The following VWF variants were observed in gnomAD, a reference collection of about 807,000 sequenced individuals.
VWF encodes Factor VIII related antigen.
A neutral mutation model predicts 308.6 loss-of-function variants in VWF; 176 were observed. The ratio of observed to expected loss-of-function variants is 0.57; its 90% CI spans 0.50 to 0.65. The LOEUF (loss-of-function observed/expected upper bound fraction) is 0.65, where lower values mean the gene tolerates loss of function less well. VWF is among the 30% of genes least tolerant of loss of function. VWF has a pLI of 0.00. For missense variants in VWF, 3,146 were observed against 3,648.2 expected (o/e 0.86, Z 3.55); for synonymous variants, 1,385 against 1,443.4 (o/e 0.96, Z 0.92).
At position 6,064,241 on chromosome 12, in the gene VWF, C is replaced by T; in HGVS notation, c.1432+5G>A. The T allele has an allele frequency of 1.9e-6, 3 of 1,614,158 alleles. No homozygotes were observed. Among genetic ancestry groups the T allele is most frequent in the Non-Finnish European group, 2.5e-6 (3 of 1,180,050 alleles). On this transcript the variant is annotated splice_donor_5th_base_variant and intron_variant, in intron 12 of 51. Coordinates refer to ENST00000261405, the MANE Select transcript of VWF (RefSeq NM_000552.5). ...CCAGGCCTGATGGAGCAGGACGAAG[C>T]ATACCTTTCAGGAGGGGGAGCTGGA...
At position 6,020,187 on chromosome 12, in the gene VWF, A is replaced by C. The variant is rs1944114708; in HGVS notation, c.3675-444T>G. ...CCTGTGTTTGTACATGTTCTGTTGA[A>C]GATAAATGCTTTACAGTACATATTC... On this transcript the variant is annotated intron_variant, in intron 27 of 51. Coordinates refer to ENST00000261405, the MANE Select transcript of VWF (RefSeq NM_000552.5). The surrounding 1 kb of genome is among the most constrained non-coding windows in gnomAD (Gnocchi z 4.3). Among the ~76,000 whole-genome samples, 1 of 152,250 alleles carries C rather than the reference A, an allele frequency of 6.6e-6. No homozygotes were observed. Among genetic ancestry groups the C allele is most frequent in the Non-Finnish European group, 1.5e-5 (1 of 68,044 alleles).
At chr12:6,062,264 T>C (rs1459843983) in intron 13 of VWF, among the ~76,000 whole-genome samples, 1 of 151,342 alleles carries the variant, frequency 6.6e-6, no homozygotes, top group Non-Finnish European at 1.5e-5. Context: ...CATGACACGG[T>C]TGGTGGGGGT....
chr12:5,995,714 T>G lies in VWF; in HGVS notation c.6063+288A>C, dbSNP rs561512282. Among the ~76,000 whole-genome samples the G allele has an allele frequency of 1.3e-3, 197 of 152,324 alleles. 3 individuals are homozygous for G. Among genetic ancestry groups the G allele is most frequent in the African/African-American group, 4.4e-3 (181 of 41,582 alleles). On this transcript the variant is annotated intron_variant, in intron 35 of 51. Coordinates refer to ENST00000261405, the MANE Select transcript of VWF (RefSeq NM_000552.5). ...ATACCTTCCGAGTGAACAATCCTGA[T>G]GCCAATCCCAATTCTCCACCAGTGC...
intron 5 of VWF, among the ~76,000 whole-genome samples, chr12:6,099,130 T>C (rs1050899168): frequency 5.9e-5 from 9 of 151,816 alleles, no homozygotes; most frequent in African/African-American, 2.2e-4. Context: ...GATCAGCCTG[T>C]CCAACATGGT....
chr12:6,013,739 A>G, intron 31 of VWF, 94 bp from the exon 32 acceptor site: 1 of 1,451,102 alleles, frequency 6.9e-7, no homozygotes, highest in Non-Finnish European at 9.6e-7. Context: ...ATACAGCCTC[A>G]TGTTTTCCAG....
At chr12:5,976,847 T>C (rs1943539603) in intron 42 of VWF, among the ~76,000 whole-genome samples, 1 of 152,048 alleles carries the variant, frequency 6.6e-6, no homozygotes, top group Admixed American at 6.6e-5. Flanking sequence ...AAAAGGCTGG[T>C]TGAAAGGGAA....
At position 5,963,767 on chromosome 12, in the gene VWF, T is replaced by G. The variant is rs374998908; in HGVS notation, c.7887+3719A>C. Among the ~76,000 whole-genome samples the G allele has an allele frequency of 9.3e-4, 141 of 152,290 alleles. 1 individual carries two copies. The Middle Eastern group carries it at 0.041, about 44-fold the overall frequency. ...TCATAGCTCAGCGCAGCTAGGGACT[T>G]GTTGAAGCGGCATAAGGTAAGAGCG... On this transcript the variant is annotated intron_variant, in intron 47 of 51. Coordinates refer to ENST00000261405, the MANE Select transcript of VWF (RefSeq NM_000552.5).
At position 6,013,888 on chromosome 12, in the gene VWF, G is replaced by A. The variant is rs547542110; in HGVS notation, c.5456-243C>T. 1.3e-4 allele frequency among the ~76,000 whole-genome samples: 19 copies of A among 151,812 alleles called. No individual in the cohort carries two copies. The South Asian group carries it at 2.9e-3, about 23-fold the overall frequency. ...CACATAAAGTCCCTCCCTGTCCCCC[G>A]TCCTCATGGAGAGATAGACAACAAA... is the stretch of plus-strand genomic sequence containing the variant. On this transcript the variant is annotated intron_variant, in intron 31 of 51. Coordinates refer to ENST00000261405, the MANE Select transcript of VWF (RefSeq NM_000552.5).
chr12:6,001,297 A>G (rs1295417728), intron 34 of VWF, among the ~76,000 whole-genome samples: 1 of 152,188 alleles, frequency 6.6e-6, no homozygotes, highest in African/African-American at 2.4e-5. Context: ...CAAACACAAG[A>G]TGGCAATAAA....
Position 6,016,172 on chromosome 12 carries a change from C to T in VWF, c.5372G>A (p.Gly1791Glu), listed in dbSNP as rs747848982. The change falls in exon 31 of 52, where the codon GGA (glycine) becomes GAA (glutamate). Residue 1791 changes from glycine (G) to glutamate (E), a missense_variant. By Grantham distance (98) the Gly-to-Glu change is moderately conservative (BLOSUM62 -2). Transcript: ENST00000261405. ...LTSEMHGARP[G>E]ASKAVVILVT... is the part of the protein sequence containing the mutation. ...CAGGATGACCACCGCCTTTGAGGCTCCCGGCCTGGCACCATGCATTTCTGA... is the reference window on the plus strand; with the variant it reads ...CAGGATGACCACCGCCTTTGAGGCTTCCGGCCTGGCACCATGCATTTCTGA... The T allele has an allele frequency of 6.2e-7, 1 of 1,614,170 alleles. No homozygotes were observed. The highest frequency in any genetic ancestry group is 1.1e-5 in the South Asian group (1 of 91,066).
chr12:5,960,698 T>C (rs1313569262), intron 47 of VWF, among the ~76,000 whole-genome samples: 1 of 152,230 alleles, frequency 6.6e-6, no homozygotes, highest in African/African-American at 2.4e-5. Context: ...AATCAATCCA[T>C]GCAATTCCTC....
chr12:6,081,274 C>A (rs1460222422), intron 6 of VWF, among the ~76,000 whole-genome samples: 1 of 152,188 alleles, frequency 6.6e-6, no homozygotes, highest in Non-Finnish European at 1.5e-5. Context: ...ATACAGACAG[C>A]CTTTCAGATT....
At chr12:6,068,829 T>TGCG (rs1306976181) in intron 10 of VWF, among the ~76,000 whole-genome samples, 50 of 134,978 alleles carry the variant, frequency 3.7e-4, no homozygotes, top group African/African-American at 1.3e-3. Flanking sequence ...TTTTTTTTTT[T>TGCG]TTTTGCGTGT....
intron 8 of VWF, 98 bp downstream of exon 8, chr12:6,073,521 G>T (rs2136471871): frequency 6.5e-7 from 1 of 1,550,286 alleles, no homozygotes; most frequent in East Asian, 2.2e-5. Flanking sequence ...TCTGATTTCA[G>T]CAACGGGGAG....
rs1031496851 is a variant in VWF at position 6,021,951 on chromosome 12, G to A, written c.3623C>T (p.Ser1208Leu). ...GGGATTCAAGGTGACTTTCTTTCCT[G>A]AGGCAAAACGCCGGCCAGCCACCTC... ...VCEVAGRRFA[S>L]GKKVTLNPSD... The change falls in exon 27 of 52, where the codon TCA becomes TTA. Residue 1208 changes from serine to leucine, a missense_variant. Coordinates refer to ENST00000261405, the MANE Select transcript of VWF (RefSeq NM_000552.5). The A allele has an allele frequency of 3.7e-6, 6 of 1,614,034 alleles. No individual in the cohort carries two copies. The highest frequency in any genetic ancestry group is 1.3e-5 in the African/African-American group (1 of 74,900).
In VWF at chr12:5,952,396, C is replaced by G; in HGVS notation, c.8110G>C (p.Glu2704Gln). 4 of 1,614,004 alleles carry G rather than the reference C, an allele frequency of 2.5e-6. No homozygotes were observed. In the South Asian group the frequency reaches 4.4e-5, roughly 18 times the overall value. The change falls in exon 49 of 52, where the codon GAG becomes CAG. Residue 2704 changes from glutamate (E) to glutamine (Q), a missense_variant. Glu to Gln is a conservative substitution (Grantham distance 29). This residue lies in a region of VWF where 989 missense variants were observed against 1,117.4 expected (regional missense o/e 0.89). Coordinates refer to ENST00000261405, the MANE Select transcript of VWF (RefSeq NM_000552.5). ...PPFDEHKCLAEGGKIMKIPGT... is the reference protein window; with the variant it reads ...PPFDEHKCLAQGGKIMKIPGT... ...AAAGCAGAATGAGTACTCACTCCCT[C>G]AGCCAGACACTTGTGTTCATCAAAG...
At chr12:6,042,724 G>A (rs1944408865) in intron 18 of VWF, among the ~76,000 whole-genome samples, 1 of 152,180 alleles carries the variant, frequency 6.6e-6, no homozygotes, top group South Asian at 2.1e-4. Context: ...GCCACAGCCT[G>A]TATTTGAGGT....
chr12:6,073,646 G>C lies in VWF; in HGVS notation c.970C>G (p.Arg324Gly). ...SLHINEMCQE[R>G]CVDGCSCPEG... ...GGGCAGCTGCAGCCATCCACGCATC[G>C]CTCCTGACACATTTCATTGATGTGC... The change falls in exon 8 of 52, where the codon CGA becomes GGA. Residue 324 changes from arginine (R) to glycine (G), a missense_variant. Physicochemically the swap from Arg to Gly is moderately radical, Grantham distance 125. Around this residue, in one of 3 missense-constraint regions of VWF, gnomAD observed 1,304 missense variants for 1,353.0 expected, o/e 0.96. Coordinates refer to ENST00000261405, the MANE Select transcript of VWF (RefSeq NM_000552.5). 1.5e-5 allele frequency: 25 copies of C among 1,614,018 alleles called. No homozygotes were observed. Among genetic ancestry groups the C allele is most frequent in the Non-Finnish European group, 2.0e-5 (24 of 1,180,028 alleles).
At chr12:6,074,835 A>T (rs1330099169) in intron 7 of VWF, among the ~76,000 whole-genome samples, 1 of 152,220 alleles carries the variant, frequency 6.6e-6, no homozygotes, top group African/African-American at 2.4e-5. Context: ...AACACACAGC[A>T]CGAGTAAGGC....
Sources: allele counts gnomAD v4.1 joint callset (sites outside exome capture counted in the v4.1 genomes callset), GRCh38; gene constraint gnomAD v4.1.1; regional missense constraint gnomAD v4.1.1; non-coding constraint Gnocchi (gnomAD v3.1); transcripts MANE v1.5; gene names NCBI Gene and HGNC (gene_info 2026-07-23, HGNC 2026-07-21).